Variants in ONECUT1 observed in about 807,000 individuals in gnomAD.
ONECUT1 encodes the protein one cut homeobox 1, also known as hepatocyte nuclear factor 6.
A neutral mutation model predicts 25.6 loss-of-function variants in ONECUT1; 12 were observed. The observed-to-expected ratio is 0.47, with a 90% CI of 0.30 to 0.76. The LOEUF (loss-of-function observed/expected upper bound fraction) is 0.76, where lower values mean the gene tolerates loss of function less well. Ranked by LOEUF, ONECUT1 falls within the 30% of genes least tolerant of loss-of-function variation. ONECUT1 has a pLI of 0.07. For missense variants in ONECUT1, 620 were observed against 651.2 expected, an observed-to-expected ratio of 0.95 and a Z score of 0.52; for synonymous variants, 285 against 270.2, an observed-to-expected ratio of 1.05 and a Z score of -0.54.
At chr15:52,772,967 G>T (rs932924707) in intron 1 of ONECUT1, among the ~76,000 whole-genome samples, 1 of 152,158 alleles carries the variant, frequency 6.6e-6, no homozygotes. Context: ...ACATGCATTA[G>T]AATCACTTCC....
At position 52,788,817 on chromosome 15, in the gene ONECUT1, C is replaced by T. The variant is rs2083894279; in HGVS notation, c.1068G>A (p.Glu356=). The change falls in exon 1 of 2, where the codon GAG becomes GAA. Residue 356 remains glutamate, a synonymous_variant. Transcript: ENST00000305901. This position sits in a 1 kb window ranked among gnomAD's most constrained non-coding sequence, Gnocchi z 4.3. ...TFRRMWKWLQ[E]PEFQRMSALR... is the part of the protein sequence containing the mutation. ...GCGCGGACATGCGCTGGAACTCCGGCTCCTGCAGCCACTTCCACATCCTCC... is the reference window on the plus strand; with the variant it reads ...GCGCGGACATGCGCTGGAACTCCGGTTCCTGCAGCCACTTCCACATCCTCC... The T allele has an allele frequency of 2.5e-6, 4 of 1,613,198 alleles. No homozygotes were observed. Among genetic ancestry groups the T allele is most frequent in the East Asian group, 4.5e-5 (2 of 44,864 alleles).
intron 1 of ONECUT1, among the ~76,000 whole-genome samples, chr15:52,771,305 T>C (rs1342405113): frequency 6.6e-6 from 1 of 152,076 alleles, no homozygotes; most frequent in Non-Finnish European, 1.5e-5. Context: ...TAGAAAATTC[T>C]ATAGCCATTA....
At chr15:52,764,959 C>T (rs892136685) in intron 1 of ONECUT1, among the ~76,000 whole-genome samples, 5 of 152,176 alleles carry the variant, frequency 3.3e-5, no homozygotes, top group African/African-American at 1.2e-4. Context: ...GATGGGGGTG[C>T]ACTGGTAAGG....
intron 1 of ONECUT1, among the ~76,000 whole-genome samples, chr15:52,772,244 A>G (rs2083772551): frequency 6.6e-6 from 1 of 152,156 alleles, no homozygotes; most frequent in African/African-American, 2.4e-5. Flanking sequence ...AATACAAAAA[A>G]TTAGCTGGGC....
Position 52,756,663 on chromosome 15 carries a change from A to G in ONECUT1, c.*892T>C, listed in dbSNP as rs546344008. Among the ~76,000 whole-genome samples, 5 of 152,318 alleles carry G rather than the reference A, an allele frequency of 3.3e-5. No homozygotes were observed. The highest frequency in any genetic ancestry group is 7.3e-5 in the Non-Finnish European group (5 of 68,028). On this transcript the variant is annotated 3_prime_UTR_variant, in exon 2 of 2. Coordinates refer to ENST00000305901, the MANE Select transcript of ONECUT1 (RefSeq NM_004498.4). ...ATATTAATTGCTTCCCTGAAGCTACATTCTTTCTTGCCAGTTCTGAAAACT... is the reference window on the plus strand; with the variant it reads ...ATATTAATTGCTTCCCTGAAGCTACGTTCTTTCTTGCCAGTTCTGAAAACT...
chr15:52,789,369 C>T lies in ONECUT1; in HGVS notation c.516G>A (p.Val172=), dbSNP rs376241856. The T allele has an allele frequency of 2.0e-5, 32 of 1,609,434 alleles. No homozygotes were observed. The African/African-American group carries it at 4.1e-4, about 21-fold the overall frequency. ...NNLYTPYHKD[V]AGMGQSLSPL... The stretch of plus-strand genomic sequence containing the variant: ...GCGAGAGGCTCTGGCCCATGCCGGC[C>T]ACGTCCTTGTGGTAGGGGGTATAGA... The change falls in exon 1 of 2, where the codon GTG becomes GTA. Residue 172 remains valine, a synonymous_variant. Transcript: ENST00000305901. This position sits in a 1 kb window ranked among gnomAD's most constrained non-coding sequence, Gnocchi z 4.1.
chr15:52,761,182 A>G (rs2083703811), intron 1 of ONECUT1, among the ~76,000 whole-genome samples: 1 of 152,140 alleles, frequency 6.6e-6, no homozygotes, highest in South Asian at 2.1e-4. Flanking sequence ...CTGGTTCAAG[A>G]GCACTCCATA....
chr15:52,762,522 G>T (rs546819918), intron 1 of ONECUT1, among the ~76,000 whole-genome samples: 1 of 152,172 alleles, frequency 6.6e-6, no homozygotes, highest in Admixed American at 6.5e-5. Flanking sequence ...CTCAAGCACT[G>T]TAGACGTTAC....
At chr15:52,765,365 C>T (rs952550393) in intron 1 of ONECUT1, among the ~76,000 whole-genome samples, 3 of 152,214 alleles carry the variant, frequency 2.0e-5, no homozygotes, top group African/African-American at 7.2e-5. Context: ...CAGCCATGCA[C>T]ACAGGGTGAG....
intron 1 of ONECUT1, among the ~76,000 whole-genome samples, chr15:52,785,486 C>A (rs1438428730): frequency 1.3e-5 from 2 of 152,224 alleles, no homozygotes; most frequent in Non-Finnish European, 2.9e-5. Flanking sequence ...GAGTGCCCAA[C>A]ACCCACCCCC....
At chr15:52,780,630 C>T in intron 1 of ONECUT1, 1 of 1,535,412 alleles carries the variant, frequency 6.5e-7, no homozygotes, top group Non-Finnish European at 8.7e-7. Flanking sequence ...CATCAATACT[C>T]GAATCGCTTT....
At chr15:52,759,311 C>T (rs2083691676) in intron 1 of ONECUT1, among the ~76,000 whole-genome samples, 1 of 152,120 alleles carries the variant, frequency 6.6e-6, no homozygotes, top group Non-Finnish European at 1.5e-5. Context: ...TCAGCCTGCC[C>T]CTCCCTTTCA....
In ONECUT1 at chr15:52,757,477, A is replaced by G; in HGVS notation, c.*78T>C. ...AAATATTTCTAAGTATAAACCTGCT[A>G]TCTTGAGGTCCTGGTCTTTTAAAAA... On this transcript the variant is annotated 3_prime_UTR_variant, in exon 2 of 2. Transcript: ENST00000305901. 9 of 1,429,950 alleles carry G rather than the reference A, an allele frequency of 6.3e-6. No individual in the cohort carries two copies. The South Asian group carries it at 9.7e-5, about 15-fold the overall frequency. 88.6% of individuals were successfully genotyped at this position (1,429,950 alleles called of 1,614,324 possible).
chr15:52,775,019 G>C (rs774121782), intron 1 of ONECUT1, among the ~76,000 whole-genome samples: 1 of 152,104 alleles, frequency 6.6e-6, no homozygotes, highest in African/African-American at 2.4e-5. Flanking sequence ...GCGAAACTCT[G>C]TCTCTACTGA....
chr15:52,785,782 G>A (rs1444221134), intron 1 of ONECUT1: 5 of 152,224 alleles, frequency 3.3e-5, no homozygotes, highest in African/African-American at 1.2e-4. Context: ...AACATATATT[G>A]ATTTTTAAAA....
At chr15:52,775,795 T>C (rs983302115) in intron 1 of ONECUT1, among the ~76,000 whole-genome samples, 1 of 152,250 alleles carries the variant, frequency 6.6e-6, no homozygotes, top group African/African-American at 2.4e-5. Flanking sequence ...GCCATTAAAC[T>C]GATTAGTTTC....
Position 52,777,186 on chromosome 15 carries a change from A to G in ONECUT1, c.1105+11594T>C, listed in dbSNP as rs915186546. On this transcript the variant is annotated intron_variant, in intron 1 of 1. Coordinates refer to ENST00000305901, the MANE Select transcript of ONECUT1 (RefSeq NM_004498.4). ...AGATTTTATAAACACACACAAACACACAGTTATACAGAGTAAGCTACAGAG... is the reference window on the plus strand; with the variant it reads ...AGATTTTATAAACACACACAAACACGCAGTTATACAGAGTAAGCTACAGAG... Among the ~76,000 whole-genome samples the G allele has an allele frequency of 5.9e-5, 9 of 152,372 alleles. No individual in the cohort carries two copies. In the East Asian group the frequency reaches 1.5e-3, roughly 26 times the overall value.
intron 1 of ONECUT1, among the ~76,000 whole-genome samples, chr15:52,767,479 T>C (rs1019932924): frequency 2.6e-5 from 4 of 152,302 alleles, no homozygotes; most frequent in African/African-American, 9.6e-5. Context: ...TCGCTGGTCA[T>C]TCACGCGCAT....
At chr15:52,763,228 T>C (rs2083715766) in intron 1 of ONECUT1, among the ~76,000 whole-genome samples, 1 of 152,172 alleles carries the variant, frequency 6.6e-6, no homozygotes, top group Admixed American at 6.5e-5. Flanking sequence ...GACAGCTCTA[T>C]AGGATTCACT....
Sources: gnomAD v4.1 joint callset for allele counts (sites outside exome capture counted in the v4.1 genomes callset) on GRCh38, gnomAD v4.1.1 for gene constraint, Gnocchi (gnomAD v3.1) non-coding constraint, MANE v1.5 for transcripts, NCBI Gene and HGNC (gene_info 2026-07-23, HGNC 2026-07-21) for gene names.